Variants in LUZP2 observed in about 807,000 individuals in gnomAD.
The protein encoded by LUZP2 is leucine zipper protein 2.
LUZP2 carries 52 observed loss-of-function variants against 51.6 expected under a neutral mutation model. The observed-to-expected ratio is 1.01, with a 90% CI of 0.81 to 1.27. The LOEUF (loss-of-function observed/expected upper bound fraction) is 1.27. Among genes scored for constraint, LUZP2 ranks in the 50% most tolerant of loss-of-function variants. The probability of loss-of-function intolerance (pLI) is 0.00; values close to 1 mark genes in which losing one functional copy is unlikely to be tolerated. For synonymous variants in LUZP2, 154 were observed against 137.3 expected (o/e 1.12, Z -0.85); for missense variants, 436 against 395.4 (o/e 1.10, Z -0.87).
chr11:24,990,043 TA>T (rs1427028272), intron 9 of LUZP2, among the ~76,000 whole-genome samples: 1 of 152,142 alleles, frequency 6.6e-6, no homozygotes, highest in Non-Finnish European at 1.5e-5. Context: ...TATTCTCTGA[TA>T]TTCGTCCATC....
At chr11:25,011,914 C>A (rs1856995089) in intron 9 of LUZP2, among the ~76,000 whole-genome samples, 1 of 151,598 alleles carries the variant, frequency 6.6e-6, no homozygotes, top group Admixed American at 6.6e-5. Flanking sequence ...ATTTTAATAA[C>A]CTTACCAAAA....
chr11:24,819,172 A>G (rs941953888), intron 5 of LUZP2, among the ~76,000 whole-genome samples: 7 of 152,076 alleles, frequency 4.6e-5, no homozygotes, highest in Non-Finnish European at 7.4e-5. Flanking sequence ...GGGAAGTGAA[A>G]GAAAGTCGTC....
At chr11:24,792,358 C>T (rs11028176) in intron 5 of LUZP2, among the ~76,000 whole-genome samples, 10,262 of 151,198 alleles carry the variant, frequency 0.068, 677 homozygotes, top group East Asian at 0.4. Flanking sequence ...ACCTGGGAGG[C>T]GGAGATTGCA....
intron 7 of LUZP2, among the ~76,000 whole-genome samples, chr11:24,940,942 T>C (rs1205157795): frequency 6.6e-6 from 1 of 152,192 alleles, no homozygotes; most frequent in Non-Finnish European, 1.5e-5. Flanking sequence ...TCTTTCACTT[T>C]TGTTTTGTTT....
At chr11:24,939,824 T>C (rs1266596280) in intron 7 of LUZP2, among the ~76,000 whole-genome samples, 1 of 152,142 alleles carries the variant, frequency 6.6e-6, no homozygotes, top group African/African-American at 2.4e-5. Context: ...ATAGTGCTTC[T>C]TTGTGTTGGT....
intron 4 of LUZP2, among the ~76,000 whole-genome samples, chr11:24,754,390 T>C (rs1032679564): frequency 1.3e-5 from 2 of 152,194 alleles, no homozygotes; most frequent in African/African-American, 2.4e-5. Context: ...CCTTCACTGT[T>C]CTCTGGTTAA....
chr11:24,920,590 G>A (rs887517999), intron 7 of LUZP2, among the ~76,000 whole-genome samples: 3 of 151,892 alleles, frequency 2.0e-5, no homozygotes, highest in Non-Finnish European at 4.4e-5. Context: ...TACACATATG[G>A]AATGCTATTC....
intron 7 of LUZP2, among the ~76,000 whole-genome samples, chr11:24,962,163 C>T (rs1412159431): frequency 2.0e-5 from 3 of 152,084 alleles, no homozygotes; most frequent in Admixed American, 6.6e-5. Flanking sequence ...CAACCTTTCT[C>T]TCTGGCTGCC....
intron 1 of LUZP2, among the ~76,000 whole-genome samples, chr11:24,517,260 C>T (rs1197147996): frequency 1.3e-5 from 2 of 151,564 alleles, no homozygotes; most frequent in Non-Finnish European, 1.5e-5. Flanking sequence ...CCAAGGTGGG[C>T]GGATCATGAG....
chr11:24,830,256 T>C (rs1850659957), intron 5 of LUZP2, among the ~76,000 whole-genome samples: 1 of 152,244 alleles, frequency 6.6e-6, no homozygotes, highest in African/African-American at 2.4e-5. Context: ...ATCTTTCAGG[T>C]CTCATGTCAG....
chr11:24,700,414 T>C (rs1857390333), intron 1 of LUZP2, among the ~76,000 whole-genome samples: 1 of 152,180 alleles, frequency 6.6e-6, no homozygotes, highest in Non-Finnish European at 1.5e-5. Flanking sequence ...AGCTTAGTGA[T>C]ACTTTCCTAG....
At chr11:24,949,843 C>T (rs577882074) in intron 7 of LUZP2, among the ~76,000 whole-genome samples, 6 of 151,654 alleles carry the variant, frequency 4.0e-5, no homozygotes, top group African/African-American at 1.2e-4. Flanking sequence ...AATTAGTTTG[C>T]GAACTTTTCT....
intron 9 of LUZP2, among the ~76,000 whole-genome samples, chr11:25,043,578 T>G (rs2134010047): frequency 6.6e-6 from 1 of 152,022 alleles, no homozygotes; most frequent in African/African-American, 2.4e-5. Context: ...GTATCCAGGA[T>G]ATATGATATA....
chr11:24,610,712 G>A (rs547822096), intron 1 of LUZP2, among the ~76,000 whole-genome samples: 17 of 152,278 alleles, frequency 1.1e-4, no homozygotes, highest in African/African-American at 3.6e-4. Flanking sequence ...TTGGGAGGGT[G>A]AGGCAGGCAG....
At chr11:24,765,224 C>T (rs185543624) in intron 5 of LUZP2, among the ~76,000 whole-genome samples, 2 of 152,232 alleles carry the variant, frequency 1.3e-5, no homozygotes, top group East Asian at 3.9e-4. Context: ...CTGGTGTATA[C>T]ACTGTACAGT....
At chr11:24,560,754 G>A (rs1852013549) in intron 1 of LUZP2, among the ~76,000 whole-genome samples, 1 of 152,072 alleles carries the variant, frequency 6.6e-6, no homozygotes, top group African/African-American at 2.4e-5. Context: ...CTAATTTAAG[G>A]GAGTATTACA....
Position 25,059,770 on chromosome 11 carries a change from A to C in LUZP2, c.858+9640A>C, listed in dbSNP as rs933270392. ...AAGAAACAAAGAACTGAGGGGAAAA[A>C]CTCCAGCAATAAATTCTTTGGCAAT... On this transcript the variant is annotated intron_variant, in intron 10 of 11. Coordinates refer to ENST00000336930, the MANE Select transcript of LUZP2 (RefSeq NM_001009909.4). 3.9e-5 allele frequency among the ~76,000 whole-genome samples: 6 copies of C among 152,204 alleles called. No individual in the cohort carries two copies. The South Asian group carries it at 1.2e-3, about 32-fold the overall frequency.
intron 5 of LUZP2, among the ~76,000 whole-genome samples, chr11:24,800,274 CA>C (rs1430965249): frequency 6.6e-6 from 1 of 152,104 alleles, no homozygotes; most frequent in African/African-American, 2.4e-5. Context: ...GGGAAATTCT[CA>C]TGAAAGACTC....
chr11:24,932,821 C>T lies in LUZP2; in HGVS notation c.522+18283C>T, dbSNP rs557721034. On this transcript the variant is annotated intron_variant, in intron 7 of 11. Coordinates refer to ENST00000336930, the MANE Select transcript of LUZP2 (RefSeq NM_001009909.4). ...CTGCACCTTCTGTTTGCCTCTCTCT[C>T]GGGTTCTGTCCAGGAAACTCTGCAT... Among the ~76,000 whole-genome samples, 9 of 152,176 alleles carry T rather than the reference C, an allele frequency of 5.9e-5. No homozygotes were observed. In the South Asian group the frequency reaches 6.2e-4, roughly 11 times the overall value.
Sources: gnomAD v4.1 joint callset for allele counts (sites outside exome capture counted in the v4.1 genomes callset) on GRCh38, gnomAD v4.1.1 for gene constraint, MANE v1.5 for transcripts, NCBI Gene and HGNC (gene_info 2026-07-23, HGNC 2026-07-21) for gene names.